The following SMCHD1 variants were observed in gnomAD, a reference collection of about 807,000 sequenced individuals.
The protein encoded by SMCHD1 is structural maintenance of chromosomes flexible hinge domain-containing protein 1.
SMCHD1 carries 78 observed loss-of-function variants against 254.7 expected under a neutral mutation model. The observed-to-expected ratio is 0.31, with a 90% confidence interval of 0.26 to 0.37. SMCHD1 has a LOEUF of 0.37. SMCHD1 is among the 10% of genes least tolerant of loss of function. The probability of loss-of-function intolerance (pLI) is 1.00; values close to 1 mark genes in which losing one functional copy is unlikely to be tolerated. For missense variants in SMCHD1, 1,840 were observed against 2,408.1 expected, an observed-to-expected ratio of 0.76 and a Z score of 4.94; for synonymous variants, 766 against 794.9, an observed-to-expected ratio of 0.96 and a Z score of 0.61.
intron 9 of SMCHD1, chr18:2,697,359 T>A: frequency 2.8e-6 from 1 of 357,870 alleles, no homozygotes. Context: ...TCTGTGGAGC[T>A]ATGCATTGTT....
Position 2,748,380 on chromosome 18 carries a change from G to GTGTGTGTGTGTATA in SMCHD1, c.3927+736_3927+737insGTGTGTGTATATGT, listed in dbSNP as rs561439889. On this transcript the variant is annotated intron_variant, in intron 30 of 47. Coordinates refer to ENST00000320876, the MANE Select transcript of SMCHD1 (RefSeq NM_015295.3). ...TGTGTGTGTGTGTGTGTGTGTGTGT[G>GTGTGTGTGTGTATA]TGTATATAAATTTTTTTTTTTTTTT... 2.5e-3 allele frequency among the ~76,000 whole-genome samples: 198 copies of GTGTGTGTGTGTATA among 80,226 alleles called. 7 individuals are homozygous for GTGTGTGTGTGTATA. Among genetic ancestry groups the GTGTGTGTGTGTATA allele is most frequent in the African/African-American group, 0.013 (187 of 14,538 alleles). 52.6% of individuals were successfully genotyped at this position (80,226 alleles called of 152,430 possible).
At chr18:2,790,046 G>A (rs939745331) in intron 45 of SMCHD1, among the ~76,000 whole-genome samples, 3 of 152,168 alleles carry the variant, frequency 2.0e-5, no homozygotes, top group Non-Finnish European at 4.4e-5. Flanking sequence ...AGCTGGGCAT[G>A]GTGGACGTGC....
At chr18:2,710,289 C>T (rs1337219748) in intron 17 of SMCHD1, among the ~76,000 whole-genome samples, 1 of 152,148 alleles carries the variant, frequency 6.6e-6, no homozygotes, top group African/African-American at 2.4e-5. Context: ...TTTTTGTTTA[C>T]TGTAGCTTTG....
At chr18:2,777,058 C>CCA (rs771354381) in intron 42 of SMCHD1, among the ~76,000 whole-genome samples, 2 of 72,466 alleles carry the variant, frequency 2.8e-5, no homozygotes, top group South Asian at 1.2e-3. Context: ...CATGCACCAC[C>CCA]ACCTCCCCCC....
chr18:2,782,407 A>G (rs1419094011), intron 44 of SMCHD1, among the ~76,000 whole-genome samples: 1 of 152,178 alleles, frequency 6.6e-6, no homozygotes, highest in East Asian at 1.9e-4. Context: ...GCTTCTTAAC[A>G]AGATAATAGA....
intron 46 of SMCHD1, 108 bp downstream of exon 46, chr18:2,796,215 T>C: frequency 9.1e-7 from 1 of 1,094,724 alleles, no homozygotes; most frequent in Admixed American, 3.1e-5. Context: ...ATTCAGAACT[T>C]AACAAAAACT....
intron 41 of SMCHD1, among the ~76,000 whole-genome samples, 189 bp downstream of exon 41, chr18:2,772,561 T>G (rs1329222181): frequency 6.6e-6 from 1 of 152,224 alleles, no homozygotes; most frequent in Non-Finnish European, 1.5e-5. Flanking sequence ...ATGTTACTAT[T>G]GAGGGCTGTG....
intron 42 of SMCHD1, among the ~76,000 whole-genome samples, chr18:2,777,488 TTA>T (rs1215139912): frequency 6.8e-6 from 1 of 147,468 alleles, no homozygotes; most frequent in Non-Finnish European, 1.5e-5. Context: ...ACATGAACAG[TTA>T]TGTCATTCAT....
At chr18:2,725,984 C>G (rs2075020293) in intron 21 of SMCHD1, among the ~76,000 whole-genome samples, 1 of 151,766 alleles carries the variant, frequency 6.6e-6, no homozygotes, top group Non-Finnish European at 1.5e-5. Context: ...ACTGACAAAA[C>G]CGTGGACTTT....
chr18:2,775,446 T>A (rs2076051839), intron 41 of SMCHD1, among the ~76,000 whole-genome samples: 1 of 152,122 alleles, frequency 6.6e-6, no homozygotes, highest in South Asian at 2.1e-4. Context: ...ATAAAATTTC[T>A]AATTATTTCA....
At chr18:2,776,233 T>A (rs1026326515) in intron 42 of SMCHD1, among the ~76,000 whole-genome samples, 27 of 152,282 alleles carry the variant, frequency 1.8e-4, no homozygotes, top group African/African-American at 4.6e-4. Flanking sequence ...TTAAATTTTT[T>A]AATTTTTATT....
At chr18:2,796,746 A>G in intron 47 of SMCHD1, 2 of 465,008 alleles carry the variant, frequency 4.3e-6, no homozygotes, top group Non-Finnish European at 7.6e-6. Flanking sequence ...ATGCTTGGCT[A>G]ATTTTTTGTA....
At chr18:2,660,066 G>C (rs1391484555) in intron 1 of SMCHD1, among the ~76,000 whole-genome samples, 1 of 152,210 alleles carries the variant, frequency 6.6e-6, no homozygotes, top group African/African-American at 2.4e-5. Flanking sequence ...GCTTACACCT[G>C]TAATCCCAAC....
intron 1 of SMCHD1, among the ~76,000 whole-genome samples, chr18:2,658,683 C>T (rs569016285): frequency 6.6e-6 from 1 of 152,204 alleles, no homozygotes; most frequent in Non-Finnish European, 1.5e-5. Flanking sequence ...GATCCCATAA[C>T]TTTGTCTCCA....
chr18:2,716,178 C>T (rs1189886225), intron 17 of SMCHD1, among the ~76,000 whole-genome samples: 2 of 152,106 alleles, frequency 1.3e-5, no homozygotes, highest in Non-Finnish European at 2.9e-5. Context: ...TTATAAATAG[C>T]CTTAGTGTGG....
At chr18:2,698,217 A>G (rs995190147) in intron 10 of SMCHD1, among the ~76,000 whole-genome samples, 176 bp downstream of exon 10, 1 of 152,200 alleles carries the variant, frequency 6.6e-6, no homozygotes, top group African/African-American at 2.4e-5. Context: ...ATTTTTGTGT[A>G]CATTCATTTC....
In SMCHD1 at chr18:2,718,546, G is replaced by A. The variant is rs961982264; in HGVS notation, c.2458+112G>A. 28 of 905,922 alleles carry A rather than the reference G, an allele frequency of 3.1e-5. No individual in the cohort carries two copies. Among genetic ancestry groups the A allele is most frequent in the African/African-American group, 8.6e-5 (5 of 58,146 alleles). 56.1% of individuals were successfully genotyped at this position (905,922 alleles called of 1,614,324 possible). ...GTTTGAACAATTGGGTAACCATCTC[G>A]ATTTTATTTTATTTTCTTACTTACT... On this transcript the variant is annotated intron_variant, in intron 19 of 47. Transcript: ENST00000320876. The surrounding 1 kb of genome is among the most constrained non-coding windows in gnomAD (Gnocchi z 4.6).
intron 36 of SMCHD1, 96 bp from the exon 37 acceptor site, chr18:2,763,540 TG>T: frequency 1.0e-6 from 1 of 975,576 alleles, no homozygotes; most frequent in South Asian, 2.1e-5. Flanking sequence ...AATTTAATGT[TG>T]GGGGCTCTCT....
chr18:2,769,013 T>A (rs567492260), intron 37 of SMCHD1, among the ~76,000 whole-genome samples: 1 of 152,228 alleles, frequency 6.6e-6, no homozygotes, highest in African/African-American at 2.4e-5. Flanking sequence ...AAATACTACT[T>A]CTCTGTAAAT....
Sources: gnomAD v4.1 joint callset for allele counts (sites outside exome capture counted in the v4.1 genomes callset) on GRCh38, gnomAD v4.1.1 for gene constraint, Gnocchi (gnomAD v3.1) non-coding constraint, MANE v1.5 for transcripts, NCBI Gene and HGNC (gene_info 2026-07-23, HGNC 2026-07-21) for gene names.